Variants in SNTG1 observed in about 807,000 individuals in gnomAD.
The protein encoded by SNTG1 is gamma-1-syntrophin.
Under a neutral mutation model 74.7 loss-of-function variants are expected in SNTG1, and 39 were observed. The observed-to-expected ratio is 0.52, with a 90% confidence interval of 0.40 to 0.68. The LOEUF is 0.68. Among genes scored for constraint, SNTG1 ranks in the 30% least tolerant of loss-of-function variants. The pLI, the probability that SNTG1 is intolerant of heterozygous loss-of-function variation, is 0.00. For missense variants in SNTG1, 685 were observed against 609.5 expected, an observed-to-expected ratio of 1.12 and a Z score of -1.30; for synonymous variants, 254 against 217.1, an observed-to-expected ratio of 1.17 and a Z score of -1.49.
At chr8:50,260,685 G>A (rs1193207351) in intron 2 of SNTG1, among the ~76,000 whole-genome samples, 15 of 147,106 alleles carry the variant, frequency 1.0e-4, no homozygotes, top group Non-Finnish European at 7.5e-5. Flanking sequence ...AAGAGCTAAT[G>A]GAAAAAAAAC....
chr8:49,979,164 T>G (rs1350005613), intron 1 of SNTG1, among the ~76,000 whole-genome samples: 4 of 152,194 alleles, frequency 2.6e-5, no homozygotes, highest in Non-Finnish European at 5.9e-5. Context: ...CCCTTATGGC[T>G]TAGCAATGAG....
At chr8:50,057,573 C>CA (rs1211150838) in intron 1 of SNTG1, among the ~76,000 whole-genome samples, 2 of 152,050 alleles carry the variant, frequency 1.3e-5, no homozygotes, top group Non-Finnish European at 2.9e-5. Flanking sequence ...GCACTGGTGT[C>CA]AAAATCTGTA....
intron 15 of SNTG1, among the ~76,000 whole-genome samples, chr8:50,688,372 G>A (rs1303665443): frequency 2.6e-5 from 4 of 152,248 alleles, no homozygotes; most frequent in African/African-American, 9.6e-5. Context: ...TTTTCTTCTA[G>A]GGTTTTTATG....
intron 6 of SNTG1, 29 bp downstream of exon 6, chr8:50,449,754 C>G (rs2093438677): frequency 1.3e-6 from 2 of 1,520,608 alleles, no homozygotes; most frequent in Non-Finnish European, 1.8e-6. Context: ...TGTGTACCAG[C>G]CATTTCTTTA....
intron 1 of SNTG1, among the ~76,000 whole-genome samples, chr8:50,024,944 T>A (rs953886407): frequency 1.3e-5 from 2 of 152,088 alleles, no homozygotes; most frequent in African/African-American, 4.8e-5. Flanking sequence ...ATGCATGCAA[T>A]TTAAAATTCT....
chr8:49,915,416 C>T (rs1486258), intron 1 of SNTG1, among the ~76,000 whole-genome samples: 96,762 of 152,114 alleles, frequency 0.64, 34,610 homozygotes, highest in East Asian at 0.86. Context: ...CTTAACAACT[C>T]TCAGCATAGG....
In SNTG1 at chr8:50,532,979, G is replaced by A. The variant is rs547826236; in HGVS notation, c.549+2720G>A. The stretch of plus-strand genomic sequence containing the variant: ...CATGTCCTTACTGTATTTTAAGGCA[G>A]CATTTTAATTCTAAGGGGAAATAAA... On this transcript the variant is annotated intron_variant, in intron 10 of 18. Transcript: ENST00000642720. 6.9e-4 allele frequency among the ~76,000 whole-genome samples: 105 copies of A among 152,240 alleles called. 2 individuals carry two copies. The highest frequency in any genetic ancestry group is 4.3e-4 in the Non-Finnish European group (29 of 68,024).
chr8:50,773,269 T>C (rs1333594575), intron 18 of SNTG1, among the ~76,000 whole-genome samples: 1 of 152,024 alleles, frequency 6.6e-6, no homozygotes, highest in Non-Finnish European at 1.5e-5. Flanking sequence ...AGGAATGAGG[T>C]TCCAATGAGG....
At chr8:50,201,250 G>C (rs2083975875) in intron 2 of SNTG1, among the ~76,000 whole-genome samples, 1 of 152,076 alleles carries the variant, frequency 6.6e-6, no homozygotes, top group African/African-American at 2.4e-5. Flanking sequence ...GTGATATTTT[G>C]CTATAATAAT....
intron 2 of SNTG1, among the ~76,000 whole-genome samples, chr8:50,337,701 G>T (rs1017397081): frequency 6.6e-6 from 1 of 152,180 alleles, no homozygotes; most frequent in African/African-American, 2.4e-5. Flanking sequence ...CATGGGCACA[G>T]GTTCACTGAA....
chr8:50,439,003 G>C (rs1274643776), intron 5 of SNTG1, among the ~76,000 whole-genome samples: 1 of 151,960 alleles, frequency 6.6e-6, no homozygotes, highest in Non-Finnish European at 1.5e-5. Flanking sequence ...TGTTCATCTT[G>C]TTTATTTTTC....
At chr8:50,695,932 G>A (rs1169659781) in intron 15 of SNTG1, among the ~76,000 whole-genome samples, 1 of 151,814 alleles carries the variant, frequency 6.6e-6, no homozygotes, top group East Asian at 1.9e-4. Context: ...AAACATATGA[G>A]TGCAGGTCAT....
intron 2 of SNTG1, among the ~76,000 whole-genome samples, chr8:50,312,953 A>G (rs1253836189): frequency 2.0e-5 from 3 of 149,952 alleles, no homozygotes; most frequent in African/African-American, 7.5e-5. Context: ...GTGGATTGGG[A>G]GAATTAATAT....
chr8:49,998,733 C>G (rs1814473182), intron 1 of SNTG1, among the ~76,000 whole-genome samples: 2 of 151,990 alleles, frequency 1.3e-5, no homozygotes, highest in Admixed American at 6.6e-5. Context: ...ATGGAGCTGT[C>G]ATCTCCTGTG....
At chr8:50,497,507 G>T (rs1193350601) in intron 8 of SNTG1, among the ~76,000 whole-genome samples, 4 of 151,636 alleles carry the variant, frequency 2.6e-5, no homozygotes, top group East Asian at 1.9e-4. Context: ...ATATATAGAG[G>T]TTATAATATA....
rs140309422 is a variant in SNTG1, at chr8:50,773,928, A to C, written c.1396-18743A>C. Reference sequence around the variant, plus strand: ...TAGAAGTAATGAAAAGAATCAAATAAAATTTTCAGTTGAAAAGTACAATTA... The same window carrying C: ...TAGAAGTAATGAAAAGAATCAAATACAATTTTCAGTTGAAAAGTACAATTA... On this transcript the variant is annotated intron_variant, in intron 18 of 18. Coordinates refer to ENST00000642720, the MANE Select transcript of SNTG1 (RefSeq NM_018967.5). 4.2e-3 allele frequency among the ~76,000 whole-genome samples: 639 copies of C among 152,216 alleles called. 18 individuals are homozygous for C. Among genetic ancestry groups the C allele is most frequent in the Admixed American group, 0.038 (580 of 15,246 alleles).
At chr8:50,491,793 T>C (rs958245487) in intron 8 of SNTG1, among the ~76,000 whole-genome samples, 4 of 152,024 alleles carry the variant, frequency 2.6e-5, no homozygotes, top group African/African-American at 9.7e-5. Flanking sequence ...ATAGGTATAC[T>C]TGTGTACTTG....
chr8:50,071,919 G>C (rs1025020419), intron 1 of SNTG1, among the ~76,000 whole-genome samples: 1 of 151,026 alleles, frequency 6.6e-6, no homozygotes, highest in African/African-American at 2.4e-5. Flanking sequence ...ATATAAAAAT[G>C]TTAAGAGCTG....
At chr8:50,674,568 C>T (rs1317513417) in intron 15 of SNTG1, among the ~76,000 whole-genome samples, 1 of 151,028 alleles carries the variant, frequency 6.6e-6, no homozygotes, top group African/African-American at 2.4e-5. Context: ...ACTCTCTTTT[C>T]TTCTTAGTTT....
Sources: allele counts gnomAD v4.1 joint callset (sites outside exome capture counted in the v4.1 genomes callset), GRCh38; gene constraint gnomAD v4.1.1; transcripts MANE v1.5; gene names NCBI Gene and HGNC (gene_info 2026-07-23, HGNC 2026-07-21).